LRRC3B: variants seen among roughly 807,000 people sequenced by gnomAD.
LRRC3B encodes the protein leucine rich repeat containing 3B.
LRRC3B carries 2 observed loss-of-function variants against 12.8 expected under a neutral mutation model. The observed-to-expected ratio is 0.16, with a 90% CI of 0.06 to 0.49. The LOEUF is 0.49. Among genes scored for constraint, LRRC3B ranks in the 20% least tolerant of loss-of-function variants. The probability of loss-of-function intolerance (pLI) is 0.96; values close to 1 mark genes in which losing one functional copy is unlikely to be tolerated. For synonymous variants in LRRC3B, 132 were observed against 122.0 expected (o/e 1.08, Z -0.54); for missense variants, 189 against 319.4 (o/e 0.59, Z 3.11).
At chr3:26,676,803 G>T (rs943525894) in intron 1 of LRRC3B, among the ~76,000 whole-genome samples, 1 of 152,152 alleles carries the variant, frequency 6.6e-6, no homozygotes, top group Non-Finnish European at 1.5e-5. Context: ...GTTTCTTGAG[G>T]CACTATTCAC....
At position 26,630,333 on chromosome 3, in the gene LRRC3B, T is replaced by G. The variant is rs1698729955; in HGVS notation, c.-161+7096T>G. On this transcript the variant is annotated intron_variant, in intron 1 of 1. Coordinates refer to ENST00000396641, the Ensembl canonical transcript of LRRC3B. The stretch of plus-strand genomic sequence containing the variant: ...TTTACTCCATAGTGCCCTTTGACAG[T>G]CTGACAAAGCCTGCGGGCCCTGGAA... Among the ~76,000 whole-genome samples, 3 of 152,188 alleles carry G rather than the reference T, an allele frequency of 2.0e-5. No individual in the cohort carries two copies. In the South Asian group the frequency reaches 6.2e-4, roughly 31 times the overall value.
intron 1 of LRRC3B, among the ~76,000 whole-genome samples, chr3:26,674,776 C>CTAA (rs1378627351): frequency 1.3e-5 from 2 of 152,178 alleles, no homozygotes; most frequent in African/African-American, 4.8e-5. Flanking sequence ...TTGCTCTCTC[C>CTAA]TAATTTGCTC....
At chr3:26,623,149 A>G (rs1418584418) in exon 1 of LRRC3B, 2 of 152,136 alleles carry the variant, frequency 1.3e-5, no homozygotes, top group Non-Finnish European at 2.9e-5. Context: ...CAGCCCTGGC[A>G]GCGGGCACAC....
intron 1 of LRRC3B, among the ~76,000 whole-genome samples, chr3:26,647,654 G>A (rs550686475): frequency 6.6e-6 from 1 of 152,172 alleles, no homozygotes; most frequent in East Asian, 1.9e-4. Context: ...CTAAAGATAC[G>A]GCGTTTCTGA....
chr3:26,709,107 A>G (rs1285318743), intron 1 of LRRC3B, among the ~76,000 whole-genome samples: 1 of 152,244 alleles, frequency 6.6e-6, no homozygotes, highest in Non-Finnish European at 1.5e-5. Flanking sequence ...AAATATTGGT[A>G]TTATTTCTCA....
chr3:26,691,493 ACT>A (rs1277886229), intron 1 of LRRC3B, among the ~76,000 whole-genome samples: 1 of 152,082 alleles, frequency 6.6e-6, no homozygotes, highest in Admixed American at 6.6e-5. Flanking sequence ...CACCTCACTG[ACT>A]CTGTAACCAG....
chr3:26,624,146 G>A (rs1261272387), intron 1 of LRRC3B: 1 of 152,420 alleles, frequency 6.6e-6, no homozygotes, highest in Non-Finnish European at 1.5e-5. Flanking sequence ...GGGTACTTGG[G>A]AAGGCAGGCT....
intron 1 of LRRC3B, among the ~76,000 whole-genome samples, chr3:26,665,671 T>C (rs1699583328): frequency 6.6e-6 from 1 of 152,178 alleles, no homozygotes; most frequent in Non-Finnish European, 1.5e-5. Context: ...TAAATTATCT[T>C]CTTGATTTAC....
intron 1 of LRRC3B, among the ~76,000 whole-genome samples, chr3:26,670,004 G>C (rs1263890660): frequency 6.6e-6 from 1 of 152,106 alleles, no homozygotes; most frequent in East Asian, 1.9e-4. Context: ...ACCTTGCTCT[G>C]CTTTTTCAAC....
intron 1 of LRRC3B, among the ~76,000 whole-genome samples, chr3:26,687,627 C>T (rs1162974893): frequency 6.6e-6 from 1 of 152,094 alleles, no homozygotes; most frequent in Admixed American, 6.5e-5. Flanking sequence ...GCATGGGGTA[C>T]AAGAATAGCA....
intron 1 of LRRC3B, among the ~76,000 whole-genome samples, chr3:26,680,539 G>A (rs1699950018): frequency 1.3e-5 from 2 of 152,202 alleles, no homozygotes; most frequent in Admixed American, 6.5e-5. Flanking sequence ...TAGCCCAGAA[G>A]TGTCACACGT....
chr3:26,708,050 A>T (rs1559375861), intron 1 of LRRC3B, among the ~76,000 whole-genome samples: 1 of 152,146 alleles, frequency 6.6e-6, no homozygotes, highest in Admixed American at 6.5e-5. Context: ...GCTCACATTA[A>T]TCTTCTCTTC....
At chr3:26,664,000 T>C (rs1384499057) in intron 1 of LRRC3B, among the ~76,000 whole-genome samples, 1 of 152,118 alleles carries the variant, frequency 6.6e-6, no homozygotes, top group Non-Finnish European at 1.5e-5. Context: ...GCTTAAAACC[T>C]ACCAGCACAT....
chr3:26,647,123 G>T (rs1429604097), intron 1 of LRRC3B, among the ~76,000 whole-genome samples: 1 of 151,946 alleles, frequency 6.6e-6, no homozygotes, highest in African/African-American at 2.4e-5. Flanking sequence ...CCTTCTACTT[G>T]ATGCATTCCT....
At chr3:26,666,485 G>A (rs1443317291) in intron 1 of LRRC3B, among the ~76,000 whole-genome samples, 1 of 151,956 alleles carries the variant, frequency 6.6e-6, no homozygotes, top group East Asian at 1.9e-4. Flanking sequence ...ACAAGCTCAG[G>A]GCTTTGTACC....
chr3:26,633,282 G>T (rs1483954423), intron 1 of LRRC3B, among the ~76,000 whole-genome samples: 2 of 152,120 alleles, frequency 1.3e-5, no homozygotes, highest in African/African-American at 4.8e-5. Flanking sequence ...ATAGCTGAGT[G>T]AGTGACTGTG....
chr3:26,655,453 G>T (rs1559356600), intron 1 of LRRC3B, among the ~76,000 whole-genome samples: 1 of 152,152 alleles, frequency 6.6e-6, no homozygotes. Context: ...CCAAACTCGA[G>T]CCTTCCTACA....
intron 1 of LRRC3B, among the ~76,000 whole-genome samples, chr3:26,656,038 C>T (rs187022945): frequency 2.6e-5 from 4 of 152,240 alleles, no homozygotes; most frequent in Non-Finnish European, 5.9e-5. Context: ...TCTATTCTGC[C>T]TCCAACTGAC....
chr3:26,686,287 G>T (rs1301390105), intron 1 of LRRC3B, among the ~76,000 whole-genome samples: 1 of 152,092 alleles, frequency 6.6e-6, no homozygotes, highest in African/African-American at 2.4e-5. Context: ...CTCCATGTTA[G>T]CCAGGATTGT....
Sources: gnomAD v4.1 joint callset for allele counts (sites outside exome capture counted in the v4.1 genomes callset) on GRCh38, gnomAD v4.1.1 for gene constraint, MANE v1.5 for transcripts, NCBI Gene and HGNC (gene_info 2026-07-23, HGNC 2026-07-21) for gene names.